Variants in USP20 observed in about 807,000 individuals in gnomAD.
USP20 encodes the protein ubiquitin carboxyl-terminal hydrolase 20.
USP20 carries 80 observed loss-of-function variants against 124.2 expected under a neutral mutation model. That is an observed-to-expected ratio of 0.64 (90% CI 0.54 to 0.78). USP20 has a LOEUF of 0.78. Ranked by LOEUF, USP20 falls within the 30% of genes least tolerant of loss-of-function variation. The pLI is 0.00. For synonymous variants in USP20, 481 were observed against 512.3 expected (o/e 0.94, Z 0.83); for missense variants, 1,043 against 1,244.4 (o/e 0.84, Z 2.44).
chr9:129,875,221 A>G lies in USP20; in HGVS notation c.2049-89A>G, dbSNP rs139597207. ...CCAGGAGGTGGTGGACAGGGCCGGT[A>G]GCCCGAGGTGCACTGGGATGGGGGC... On this transcript the variant is annotated intron_variant, in intron 19 of 25. Transcript: ENST00000372429. The G allele has an allele frequency of 2.9e-6, 4 of 1,400,024 alleles. No individual in the cohort carries two copies. In the East Asian group the frequency reaches 9.9e-5, roughly 35 times the overall value. The allele number at this position is 1,400,024 out of a possible 1,614,324, so 86.7% of individuals were successfully genotyped here.
chr9:129,847,910 T>C (rs1303589338), intron 1 of USP20, among the ~76,000 whole-genome samples: 7 of 152,070 alleles, frequency 4.6e-5, no homozygotes, highest in Non-Finnish European at 4.4e-5. Context: ...TTTTTTTTTT[T>C]TTTTGCTCAG....
chr9:129,876,001 G>C, intron 21 of USP20, 129 bp from the exon 22 acceptor site: 1 of 790,154 alleles, frequency 1.3e-6, no homozygotes, highest in Non-Finnish European at 2.0e-6. Flanking sequence ...CTCACACAGA[G>C]GTGCATGCAG....
chr9:129,867,446 G>A (rs535391790), intron 10 of USP20, among the ~76,000 whole-genome samples: 1 of 152,290 alleles, frequency 6.6e-6, no homozygotes, highest in South Asian at 2.1e-4. Flanking sequence ...CAGGCAGTGA[G>A]GGTATGTGGG....
At chr9:129,875,739 C>T (rs2034364589) in intron 21 of USP20, 98 bp downstream of exon 21, 2 of 1,212,384 alleles carry the variant, frequency 1.6e-6, no homozygotes, top group African/African-American at 1.5e-5. Context: ...CAGGACCCCA[C>T]ACCACACTCT....
chr9:129,861,240 C>G (rs1020499847), intron 7 of USP20, among the ~76,000 whole-genome samples: 1 of 152,300 alleles, frequency 6.6e-6, no homozygotes, highest in Middle Eastern at 3.4e-3. Flanking sequence ...TATCTTGTCC[C>G]CTCTCCCAGC....
At chr9:129,840,880 T>G (rs1338657857) in intron 1 of USP20, among the ~76,000 whole-genome samples, 2 of 151,738 alleles carry the variant, frequency 1.3e-5, no homozygotes, top group Non-Finnish European at 2.9e-5. Flanking sequence ...AAGTGATTCT[T>G]CTACCTCAGC....
chr9:129,859,896 G>A (rs1288058589), intron 6 of USP20, among the ~76,000 whole-genome samples: 1 of 152,054 alleles, frequency 6.6e-6, no homozygotes, highest in African/African-American at 2.4e-5. Context: ...GCTAGGCATG[G>A]TGGCGCATGC....
intron 14 of USP20, 169 bp from the exon 15 acceptor site, chr9:129,870,284 G>A (rs550015876): frequency 3.6e-5 from 23 of 643,076 alleles, no homozygotes; most frequent in African/African-American, 2.7e-4. Context: ...CCCAGGACAC[G>A]GACGTGTCTG....
chr9:129,843,957 C>A (rs780591419), intron 1 of USP20, among the ~76,000 whole-genome samples: 1 of 151,754 alleles, frequency 6.6e-6, no homozygotes, highest in Non-Finnish European at 1.5e-5. Flanking sequence ...GTCCTAGCTA[C>A]TTGGGGGGCT....
In USP20 at chr9:129,873,528, T is replaced by TC; in HGVS notation, c.1694+18dup. On this transcript the variant is annotated intron_variant, in intron 16 of 25. Coordinates refer to ENST00000372429, the MANE Select transcript of USP20 (RefSeq NM_001110303.4). ...AGCGGTGTAAGAAGTAAGTGAGCCT[T>TC]CCCCCGCCTTCTCCCTAACTGCCGT... is the stretch of plus-strand genomic sequence containing the variant. 6.2e-7 allele frequency: 1 copy of TC among 1,614,114 alleles called. No homozygotes were observed. Among genetic ancestry groups the TC allele is most frequent in the Non-Finnish European group, 8.5e-7 (1 of 1,180,012 alleles).
rs61999273 is a variant in USP20, at chr9:129,880,249, C to G, written c.2721C>G (p.Ile907Met). The G allele has an allele frequency of 3.7e-6, 6 of 1,609,150 alleles. No individual in the cohort carries two copies. The highest frequency in any genetic ancestry group is 5.1e-6 in the Non-Finnish European group (6 of 1,178,464). Residue 907 changes from isoleucine (I) to methionine (M), a missense_variant, in exon 25 of 26, where the codon ATC becomes ATG. Coordinates refer to ENST00000372429, the MANE Select transcript of USP20 (RefSeq NM_001110303.4). ...AGAACCTGCACGGGGAGCAGAAGAT[C>G]GAAGCCGAGACGCGGGCCGTGTGAT... ...GPENLHGEQK[I>M]EAETRAV
intron 2 of USP20, among the ~76,000 whole-genome samples, chr9:129,851,258 C>CTTTTTTTT (rs35791819): frequency 4.4e-4 from 56 of 126,204 alleles, no homozygotes; most frequent in African/African-American, 1.6e-3. Flanking sequence ...ATAACACATA[C>CTTTTTTTT]TTTTTTTTTT....
chr9:129,875,287 C>T (rs374654069), intron 19 of USP20, 23 bp from the exon 20 acceptor site: 11 of 1,582,862 alleles, frequency 6.9e-6, no homozygotes, highest in Non-Finnish European at 8.6e-6. Flanking sequence ...GGCACAGCTT[C>T]TCGCCCCCTC....
Position 129,863,230 on chromosome 9 carries a change from G to A in USP20, c.542G>A (p.Arg181His), listed in dbSNP as rs560407223. ...TTCTTGGAGTGTGGCGGCCTGGTGC[G>A]CACAGATAAGAAGCCAGCCCTGTGC... ...QFFLECGGLVRTDKKPALCKS... is the reference protein window; with the variant it reads ...QFFLECGGLVHTDKKPALCKS... Residue 181 changes from arginine to histidine, a missense_variant, in exon 9 of 26, where the codon CGC becomes CAC. Coordinates refer to ENST00000372429, the MANE Select transcript of USP20 (RefSeq NM_001110303.4). 2.5e-5 allele frequency: 39 copies of A among 1,549,760 alleles called. No homozygotes were observed. The highest frequency in any genetic ancestry group is 3.6e-5 in the South Asian group (3 of 83,982).
At chr9:129,838,673 A>G (rs1021249077) in intron 1 of USP20, among the ~76,000 whole-genome samples, 1 of 152,196 alleles carries the variant, frequency 6.6e-6, no homozygotes, top group Non-Finnish European at 1.5e-5. Flanking sequence ...ATCTGATTTC[A>G]GGCCCCAGAA....
intron 11 of USP20, 141 bp downstream of exon 11, chr9:129,868,590 G>T (rs1384566137): frequency 7.0e-6 from 10 of 1,435,870 alleles, no homozygotes; most frequent in Admixed American, 5.5e-5. Context: ...CAGCCTCCGG[G>T]GGGGCTCAGT....
rs1564205799 is a variant in USP20, at chr9:129,858,710, T to C, written c.330+112T>C. On this transcript the variant is annotated intron_variant, in intron 6 of 25. Transcript: ENST00000372429. ...GGCAGTAGGTCCCAGAGGTGTCTGT[T>C]TCTGGGTCAGTATGTTTTCAGGTGA... 4 of 1,478,492 alleles carry C rather than the reference T, an allele frequency of 2.7e-6. 1 individual carries two copies. In the Admixed American group the frequency reaches 8.8e-5, roughly 33 times the overall value. 91.6% of individuals were successfully genotyped at this position (1,478,492 alleles called of 1,614,324 possible).
chr9:129,874,765 T>C lies in USP20; in HGVS notation c.1921+9T>C, dbSNP rs950012846. ...CCACGGCACGGCAGGCAGTGAGTCATGTCCCCTCCCCTGCCGTCCCCATCC... is the reference window on the plus strand; with the variant it reads ...CCACGGCACGGCAGGCAGTGAGTCACGTCCCCTCCCCTGCCGTCCCCATCC... On this transcript the variant is annotated intron_variant, in intron 18 of 25. Transcript: ENST00000372429. 2 of 1,613,656 alleles carry C rather than the reference T, an allele frequency of 1.2e-6. No individual in the cohort carries two copies. The highest frequency in any genetic ancestry group is 1.3e-5 in the African/African-American group (1 of 74,922).
chr9:129,873,080 C>CTT (rs59712662), intron 15 of USP20, among the ~76,000 whole-genome samples: 69 of 78,354 alleles, frequency 8.8e-4, no homozygotes, highest in African/African-American at 2.8e-3. Flanking sequence ...TTTTCTTCTT[C>CTT]TTTTTTTTTT....
Sources: allele counts gnomAD v4.1 joint callset (sites outside exome capture counted in the v4.1 genomes callset), GRCh38; gene constraint gnomAD v4.1.1; transcripts MANE v1.5; gene names NCBI Gene and HGNC (gene_info 2026-07-23, HGNC 2026-07-21).